Variants in GNAS observed in about 807,000 individuals in gnomAD.
GNAS encodes the protein protein ALEX.
In GNAS, 8 loss-of-function variants were observed where a neutral mutation model predicts 54.5. The observed-to-expected ratio is 0.15, with a 90% CI of 0.09 to 0.26. The LOEUF (loss-of-function observed/expected upper bound fraction) is 0.26, where lower values mean the gene tolerates loss of function less well. GNAS is among the 10% of genes least tolerant of loss of function. The probability of loss-of-function intolerance (pLI) is 1.00; values close to 1 mark genes in which losing one functional copy is unlikely to be tolerated. For missense variants in GNAS, 170 were observed against 529.8 expected, an observed-to-expected ratio of 0.32 and a Z score of 6.67; for synonymous variants, 204 against 191.4, an observed-to-expected ratio of 1.07 and a Z score of -0.54.
intron 1 of GNAS, among the ~76,000 whole-genome samples, chr20:58,852,212 C>T (rs2086205179): frequency 6.6e-6 from 1 of 152,148 alleles, no homozygotes; most frequent in Admixed American, 6.5e-5. Context: ...AGAGAGCACC[C>T]TGCTTGCGCC....
chr20:58,840,903 T>C lies in GNAS; in HGVS notation c.43+17T>C. ...TGGATTCAGGTTAGTTGCCCACCGC[T>C]AAACTGGGGAGCCTGAGGGCGGTGT... On this transcript the variant is annotated intron_variant, in intron 1 of 12. Coordinates refer to the GNAS transcript ENST00000306090. This position sits in a 1 kb window ranked among gnomAD's most constrained non-coding sequence, Gnocchi z 6.0. The C allele has an allele frequency of 1.2e-6, 2 of 1,611,800 alleles. No individual in the cohort carries two copies. Among genetic ancestry groups the C allele is most frequent in the African/African-American group, 1.3e-5 (1 of 75,010 alleles).
upstream of GNAS, chr20:58,840,474 C>G: frequency 6.2e-7 from 1 of 1,613,558 alleles, no homozygotes; most frequent in Non-Finnish European, 8.5e-7. The surrounding 1 kb of genome is among the most constrained non-coding windows in gnomAD (Gnocchi z 6.0). Flanking sequence ...GAGTCCGAGA[C>G]CGACTTCGAG....
chr20:58,874,751 C>A (rs930805341), intron 1 of GNAS, among the ~76,000 whole-genome samples: 5 of 152,272 alleles, frequency 3.3e-5, no homozygotes, highest in East Asian at 1.9e-4. Flanking sequence ...TAGTTCCTGG[C>A]CTGCCCTCTA....
intron 1 of GNAS, among the ~76,000 whole-genome samples, chr20:58,882,328 G>T (rs553859304): frequency 3.3e-5 from 5 of 152,334 alleles, no homozygotes; most frequent in Admixed American, 6.5e-5. Context: ...AAGTGCTGGC[G>T]TGAGCCACCG....
intron 1 of GNAS, among the ~76,000 whole-genome samples, chr20:58,893,274 G>A (rs568266344): frequency 6.6e-6 from 1 of 151,772 alleles, no homozygotes. Flanking sequence ...ATAAAAAAAG[G>A]TTAACTATAA....
At chr20:58,855,501 G>T in intron 1 of GNAS, 2 of 741,466 alleles carry the variant, frequency 2.7e-6, no homozygotes, top group South Asian at 2.9e-5. Flanking sequence ...ACTGCCCTGG[G>T]AGCGGGAGGG....
chr20:58,866,791 T>TC (rs1241933982), intron 1 of GNAS, among the ~76,000 whole-genome samples: 1 of 149,638 alleles, frequency 6.7e-6, no homozygotes, highest in South Asian at 2.1e-4. Flanking sequence ...TTTTTTTTTT[T>TC]CCCTAGGGAG....
At chr20:58,861,348 C>T (rs754606845) in intron 1 of GNAS, among the ~76,000 whole-genome samples, 2 of 152,118 alleles carry the variant, frequency 1.3e-5, no homozygotes, top group Non-Finnish European at 1.5e-5. Flanking sequence ...GACAAGTCAA[C>T]GGAGGGAACT....
At position 58,840,938 on chromosome 20, in the gene GNAS, G is replaced by C. The variant is rs1432544188; in HGVS notation, c.43+52G>C. On this transcript the variant is annotated intron_variant, in intron 1 of 12. Coordinates refer to the GNAS transcript ENST00000306090. This position sits in a 1 kb window ranked among gnomAD's most constrained non-coding sequence, Gnocchi z 6.0. The stretch of plus-strand genomic sequence containing the variant: ...AGCCTGAGGGCGGTGTGGGAGCAGC[G>C]CAGGTGGAAAGGAGGTGAGAAGGAA... The C allele has an allele frequency of 6.9e-6, 11 of 1,594,242 alleles. No homozygotes were observed. The highest frequency in any genetic ancestry group is 8.6e-6 in the Non-Finnish European group (10 of 1,167,702).
In GNAS at chr20:58,869,827, C is replaced by T. The variant is rs575539971; in HGVS notation, c.44-25785C>T. Among the ~76,000 whole-genome samples, 591 of 152,368 alleles carry T rather than the reference C, an allele frequency of 3.9e-3. 5 individuals carry two copies. Among genetic ancestry groups the T allele is most frequent in the Middle Eastern group, 6.8e-3 (2 of 294 alleles). On this transcript the variant is annotated intron_variant, in intron 1 of 12. Coordinates refer to the GNAS transcript ENST00000306090. ...GTCCTCTCTAAGGATGGGACCCCTA[C>T]TGTCCATCTCAGGCTCAGCACTGCC... is the stretch of plus-strand genomic sequence containing the variant.
rs779338481 is a variant in GNAS, at chr20:58,909,530, C to T, written c.669C>T (p.Asp223=). The T allele has an allele frequency of 2.5e-5, 41 of 1,614,160 alleles. No homozygotes were observed. The highest frequency in any genetic ancestry group is 2.5e-4 in the Admixed American group (15 of 60,034). ...TCCTCCTCCCCACCAGCATGTTTGACGTGGGTGGCCAGCGCGATGAACGCC... is the reference window on the plus strand; with the variant it reads ...TCCTCCTCCCCACCAGCATGTTTGATGTGGGTGGCCAGCGCGATGAACGCC... The part of the protein sequence containing the change: ...QVDKVNFHMF[D]VGGQRDERRK... Residue 223 remains aspartate (D), a synonymous_variant, in exon 9 of 13, where the codon GAC becomes GAT. Coordinates refer to ENST00000371085, the MANE Select transcript of GNAS (RefSeq NM_000516.7). The surrounding 1 kb of genome is among the most constrained non-coding windows in gnomAD (Gnocchi z 7.3).
intron 1 of GNAS, among the ~76,000 whole-genome samples, chr20:58,883,282 G>A (rs1419807742): frequency 6.6e-6 from 1 of 152,148 alleles, no homozygotes; most frequent in African/African-American, 2.4e-5. Flanking sequence ...TCTTTGTAAA[G>A]TCAGCGACAT....
At chr20:58,875,471 G>A (rs1235120837) in intron 1 of GNAS, among the ~76,000 whole-genome samples, 1 of 152,196 alleles carries the variant, frequency 6.6e-6, no homozygotes, top group Non-Finnish European at 1.5e-5. Context: ...AGGCATTGGG[G>A]GGAACAGGGG....
At chr20:58,892,527 G>C (rs2089545957) in intron 1 of GNAS, 1 of 142,726 alleles carries the variant, frequency 7.0e-6, no homozygotes, top group Admixed American at 6.9e-5. Flanking sequence ...TGCAGTGGGG[G>C]GGAGGGGGCG....
At chr20:58,887,601 AG>A (rs2088681934), upstream of GNAS, among the ~76,000 whole-genome samples, 1 of 152,234 alleles carries the variant, frequency 6.6e-6, no homozygotes, top group South Asian at 2.1e-4. Flanking sequence ...AACCTAGGAT[AG>A]TTCCTTTGAG....
At position 58,906,137 on chromosome 20, in the gene GNAS, G is replaced by T. The variant is rs182131891; in HGVS notation, c.530+657G>T. 7.2e-5 allele frequency among the ~76,000 whole-genome samples: 11 copies of T among 152,300 alleles called. No individual in the cohort carries two copies. The East Asian group carries it at 1.3e-3, about 19-fold the overall frequency. On this transcript the variant is annotated intron_variant, in intron 6 of 12. Coordinates refer to ENST00000371085, the MANE Select transcript of GNAS (RefSeq NM_000516.7). Reference sequence around the variant, plus strand: ...CTGTACACCTAAGCAGTACAATACCGTGGTGGGGTTATTTTCAAATAAAAC... The same window carrying T: ...CTGTACACCTAAGCAGTACAATACCTTGGTGGGGTTATTTTCAAATAAAAC...
chr20:58,898,328 T>C (rs373582941), intron 2 of GNAS: 1 of 151,930 alleles, frequency 6.6e-6, no homozygotes, highest in African/African-American at 2.4e-5. Flanking sequence ...TCTGTGGTGG[T>C]GGTGGGTGGG....
upstream of GNAS, chr20:58,889,397 C>T: frequency 5.1e-6 from 5 of 983,250 alleles, no homozygotes; most frequent in Non-Finnish European, 6.0e-6. Flanking sequence ...GTGCGAGTCG[C>T]CCGGCGCAGG....
At chr20:58,898,431 T>C (rs1342137459) in intron 2 of GNAS, 1 of 158,700 alleles carries the variant, frequency 6.3e-6, no homozygotes, top group African/African-American at 2.4e-5. Context: ...ATAAAACCAT[T>C]TTATAGGTAG....
Sources: allele counts gnomAD v4.1 joint callset (sites outside exome capture counted in the v4.1 genomes callset), GRCh38; gene constraint gnomAD v4.1.1; non-coding constraint Gnocchi (gnomAD v3.1); transcripts MANE v1.5; gene names NCBI Gene and HGNC (gene_info 2026-07-23, HGNC 2026-07-21).